The following CENPC variants were observed in gnomAD, a reference collection of about 807,000 sequenced individuals.
CENPC encodes the protein centromere protein C, also known as CENP-C 1.
Under a neutral mutation model 112.1 loss-of-function variants are expected in CENPC, and 63 were observed. The observed-to-expected ratio is 0.56, with a 90% CI of 0.46 to 0.69. The LOEUF (loss-of-function observed/expected upper bound fraction) is 0.69, where lower values mean the gene tolerates loss of function less well. CENPC is among the 30% of genes least tolerant of loss of function. The pLI is 0.00. For missense variants in CENPC, 1,000 were observed against 1,103.8 expected, an observed-to-expected ratio of 0.91 and a Z score of 1.33; for synonymous variants, 333 against 367.6, an observed-to-expected ratio of 0.91 and a Z score of 1.08.
At chr4:67,509,791 T>C (rs190395319) in intron 9 of CENPC, among the ~76,000 whole-genome samples, 19 of 151,974 alleles carry the variant, frequency 1.3e-4, no homozygotes, top group African/African-American at 4.3e-4. Flanking sequence ...CTCCCTAGCC[T>C]TGTTTTTCTT....
Position 67,514,619 on chromosome 4 carries a change from T to C in CENPC, c.899A>G (p.Glu300Gly). 6.2e-7 allele frequency: 1 copy of C among 1,607,214 alleles called. No individual in the cohort carries two copies. The highest frequency in any genetic ancestry group is 8.5e-7 in the Non-Finnish European group (1 of 1,176,896). ...CGACTCATCAATTATAAATTCATCCTCTATCAACTTCGTATCATCGGGAGG... is the reference window on the plus strand; with the variant it reads ...CGACTCATCAATTATAAATTCATCCCCTATCAACTTCGTATCATCGGGAGG... The part of the protein sequence containing the change: ...SCPPDDTKLI[E>G]DEFIIDESDQ... Residue 300 changes from glutamate to glycine, a missense_variant, in exon 8 of 19, where the codon GAG (glutamate) becomes GGG (glycine). Transcript: ENST00000273853.
chr4:67,472,820 A>G (rs1034743545), intron 18 of CENPC, 145 bp from the exon 19 acceptor site: 3 of 983,480 alleles, frequency 3.1e-6, no homozygotes, highest in Non-Finnish European at 4.0e-6. Flanking sequence ...ATTTAATTCC[A>G]TGAACTACAT....
chr4:67,472,576 C>T lies in CENPC; in HGVS notation c.*29G>A, dbSNP rs1302417366. 1.4e-6 allele frequency: 2 copies of T among 1,453,362 alleles called. No individual in the cohort carries two copies. Among genetic ancestry groups the T allele is most frequent in the East Asian group, 2.6e-5 (1 of 38,328 alleles). The allele number at this position is 1,453,362 out of a possible 1,614,324, so 90.0% of individuals were successfully genotyped here. On this transcript the variant is annotated 3_prime_UTR_variant, in exon 19 of 19. Transcript: ENST00000273853. ...ACTGTTTTTCACATATACATATATA[C>T]ATACATATATTTAAGGTTGGTTGAT...
chr4:67,538,379 G>C (rs558912833), intron 4 of CENPC, among the ~76,000 whole-genome samples: 15 of 152,078 alleles, frequency 9.9e-5, no homozygotes, highest in Admixed American at 8.5e-4. Context: ...GTCTTAAAAG[G>C]GACCAGATTT....
chr4:67,541,187 C>T (rs1048440060), intron 2 of CENPC, 137 bp from the exon 3 acceptor site: 2 of 603,490 alleles, frequency 3.3e-6, no homozygotes, highest in Middle Eastern at 4.4e-4. Context: ...GAAGACAAAA[C>T]AAGTACTTGA....
At chr4:67,517,450 C>T (rs1726089993) in intron 7 of CENPC, among the ~76,000 whole-genome samples, 1 of 151,740 alleles carries the variant, frequency 6.6e-6, no homozygotes. Context: ...ACATGAGCCA[C>T]CGCGCCCAGC....
At chr4:67,491,216 C>T (rs1388693669) in intron 16 of CENPC, among the ~76,000 whole-genome samples, 1 of 149,684 alleles carries the variant, frequency 6.7e-6, no homozygotes, top group East Asian at 2.0e-4. Flanking sequence ...TCTGCACACC[C>T]AGGCTGAAGT....
At chr4:67,544,734 A>T (rs932332254) in intron 1 of CENPC, among the ~76,000 whole-genome samples, 4 of 152,192 alleles carry the variant, frequency 2.6e-5, no homozygotes, top group Admixed American at 2.6e-4. Context: ...TGTACCTTTT[A>T]ACTGATAGCT....
rs533815271 is a variant in CENPC, at chr4:67,514,698, G to A, written c.831-11C>T. The stretch of plus-strand genomic sequence containing the variant: ...TGCCTAACAATGGGACTGAAACAGG[G>A]TGATACTTTTAACAGTTCAAAAAAA... On this transcript the variant is annotated splice_polypyrimidine_tract_variant and intron_variant, in intron 7 of 18. Coordinates refer to ENST00000273853, the MANE Select transcript of CENPC (RefSeq NM_001812.4). 8.0e-4 allele frequency: 1,277 copies of A among 1,593,154 alleles called. 17 individuals carry two copies. The South Asian group carries it at 0.014, about 17-fold the overall frequency.
intron 5 of CENPC, among the ~76,000 whole-genome samples, chr4:67,522,891 T>G (rs576440210): frequency 1.3e-5 from 2 of 152,040 alleles, no homozygotes; most frequent in Non-Finnish European, 2.9e-5. Context: ...TCCCAGCTAC[T>G]TGGGAGGCTG....
At chr4:67,498,394 A>G (rs1457807405) in intron 12 of CENPC, among the ~76,000 whole-genome samples, 3 of 152,210 alleles carry the variant, frequency 2.0e-5, no homozygotes, top group Non-Finnish European at 4.4e-5. Flanking sequence ...TAAGTCAACA[A>G]TGAAGTTTCC....
In CENPC at chr4:67,491,521, A is replaced by C. The variant is rs552611579; in HGVS notation, c.2515+659T>G. ...GAGAGAGAGAGAGAGAGAGAGAGAG[A>C]GAGAGAGCCTGGTTGTTAAACAGTT... On this transcript the variant is annotated intron_variant, in intron 16 of 18. Transcript: ENST00000273853. Among the ~76,000 whole-genome samples the C allele has an allele frequency of 3.3e-3, 440 of 134,758 alleles. 6 individuals carry two copies. The highest frequency in any genetic ancestry group is 0.012 in the African/African-American group (418 of 35,900). The allele number at this position is 134,758 out of a possible 152,430, so 88.4% of individuals were successfully genotyped here. A position where few individuals can be genotyped will look rare whatever the true frequency, so the allele number is the denominator to read the frequency against.
At chr4:67,508,019 C>T (rs551990447) in intron 10 of CENPC, among the ~76,000 whole-genome samples, 1 of 152,230 alleles carries the variant, frequency 6.6e-6, no homozygotes, top group African/African-American at 2.4e-5. Context: ...GTATGTATTA[C>T]CTCAATAGGT....
At chr4:67,538,740 G>A (rs1292621249) in intron 4 of CENPC, among the ~76,000 whole-genome samples, 1 of 152,160 alleles carries the variant, frequency 6.6e-6, no homozygotes, top group Non-Finnish European at 1.5e-5. Flanking sequence ...AAGCCTTGAG[G>A]GGGAATATCC....
intron 8 of CENPC, among the ~76,000 whole-genome samples, chr4:67,513,240 T>TC (rs902048442): frequency 2.7e-5 from 4 of 147,852 alleles, no homozygotes; most frequent in African/African-American, 1.0e-4. Flanking sequence ...CTTGATTTTA[T>TC]CCCAGTGAGA....
intron 18 of CENPC, among the ~76,000 whole-genome samples, 193 bp from the exon 19 acceptor site, chr4:67,472,868 G>C (rs1388461415): frequency 6.6e-6 from 1 of 152,134 alleles, no homozygotes; most frequent in Non-Finnish European, 1.5e-5. Flanking sequence ...GATGAGGCTT[G>C]AGAGAACAGA....
chr4:67,473,699 G>A (rs1179020158), intron 18 of CENPC, among the ~76,000 whole-genome samples: 1 of 152,040 alleles, frequency 6.6e-6, no homozygotes, highest in African/African-American at 2.4e-5. Flanking sequence ...CTATAGGTGT[G>A]TATCACCGTG....
chr4:67,491,472 TATATATATAGAGAG>T (rs1277310618), intron 16 of CENPC, among the ~76,000 whole-genome samples: 130 of 39,214 alleles, frequency 3.3e-3, no homozygotes, highest in Non-Finnish European at 4.3e-3. Context: ...TATATATATA[TATATATATAGAGAG>T]AGAGAGAGAG....
intron 18 of CENPC, among the ~76,000 whole-genome samples, chr4:67,473,689 C>A (rs1415410190): frequency 1.3e-5 from 2 of 152,078 alleles, no homozygotes; most frequent in Non-Finnish European, 2.9e-5. Flanking sequence ...AGAGCTAGGA[C>A]TATAGGTGTG....
Sources: gnomAD v4.1 joint callset for allele counts (sites outside exome capture counted in the v4.1 genomes callset) on GRCh38, gnomAD v4.1.1 for gene constraint, MANE v1.5 for transcripts, NCBI Gene and HGNC (gene_info 2026-07-23, HGNC 2026-07-21) for gene names.